WDR43: variants seen among roughly 807,000 people sequenced by gnomAD.
WDR43 encodes WD repeat domain 43.
In WDR43, 13 loss-of-function variants were observed where a neutral mutation model predicts 91.4. That is an observed-to-expected ratio of 0.14 (90% CI 0.09 to 0.23). The LOEUF (loss-of-function observed/expected upper bound fraction) is 0.23. Among genes scored for constraint, WDR43 ranks in the 10% least tolerant of loss-of-function variants. The pLI is 1.00. For missense variants in WDR43, 780 were observed against 809.4 expected, an observed-to-expected ratio of 0.96 and a Z score of 0.44; for synonymous variants, 331 against 287.9, an observed-to-expected ratio of 1.15 and a Z score of -1.51.
At chr2:28,895,586 C>T (rs1670464895) in intron 1 of WDR43, among the ~76,000 whole-genome samples, 2 of 152,094 alleles carry the variant, frequency 1.3e-5, no homozygotes, top group Non-Finnish European at 2.9e-5. Context: ...TCCCCACCCA[C>T]CCCAATCTGA....
intron 10 of WDR43, among the ~76,000 whole-genome samples, chr2:28,928,532 T>C (rs1266463209): frequency 6.6e-6 from 1 of 152,236 alleles, no homozygotes; most frequent in Non-Finnish European, 1.5e-5. Flanking sequence ...TTAATCTTTT[T>C]TGTGTTAGGA....
At position 28,942,377 on chromosome 2, in the gene WDR43, A is replaced by G. The variant is rs768348673; in HGVS notation, c.1800A>G (p.Glu600=). The part of the protein sequence containing the change: ...SPGQKAKLVY[E]EESSEEESDD... Reference sequence around the variant, plus strand: ...GACAGAAGGCAAAGTTGGTGTATGAAGAAGGTAAAGACTGGGGGAATGGGA... The same window carrying G: ...GACAGAAGGCAAAGTTGGTGTATGAGGAAGGTAAAGACTGGGGGAATGGGA... Residue 600 remains glutamate (E), a synonymous_variant, in exon 16 of 18, where the codon GAA becomes GAG. Transcript: ENST00000407426. 87 of 1,613,164 alleles carry G rather than the reference A, an allele frequency of 5.4e-5. No individual in the cohort carries two copies. The highest frequency in any genetic ancestry group is 7.2e-5 in the Non-Finnish European group (85 of 1,179,538).
chr2:28,914,597 G>T (rs1179850729), intron 5 of WDR43, among the ~76,000 whole-genome samples: 1 of 152,178 alleles, frequency 6.6e-6, no homozygotes, highest in East Asian at 1.9e-4. Context: ...CCTTTTTGCA[G>T]TAGCTGCTAT....
At chr2:28,904,754 T>A (rs1466968726) in intron 2 of WDR43, among the ~76,000 whole-genome samples, 2 of 152,254 alleles carry the variant, frequency 1.3e-5, no homozygotes, top group Non-Finnish European at 2.9e-5. Context: ...AGTAACTGAA[T>A]GTAACATTTT....
intron 14 of WDR43, among the ~76,000 whole-genome samples, chr2:28,939,055 G>A (rs527960724): frequency 2.0e-4 from 18 of 88,880 alleles, no homozygotes; most frequent in South Asian, 4.2e-4. Context: ...TGGTGAGAGG[G>A]GTTTTTGGGA....
At chr2:28,939,070 A>G (rs1286487311) in intron 14 of WDR43, among the ~76,000 whole-genome samples, 2 of 59,672 alleles carry the variant, frequency 3.4e-5, no homozygotes, top group African/African-American at 6.4e-5. Context: ...TTGGGAGGTG[A>G]CCTGGGAGCA....
In WDR43 at chr2:28,947,887, T is replaced by A. The variant is rs1671578214; in HGVS notation, c.*1108T>A. 1 of 149,620 alleles carries A rather than the reference T, an allele frequency of 6.7e-6. No individual in the cohort carries two copies. Among genetic ancestry groups the A allele is most frequent in the Non-Finnish European group, 1.5e-5 (1 of 67,290 alleles). 9.3% of individuals were successfully genotyped at this position (149,620 alleles called of 1,614,324 possible). ...TAGTTTTTTTTTTTTTTTTTTTTTT[T>A]TTAAAGAATGAGCCGATATTGGCTT... is the stretch of plus-strand genomic sequence containing the variant. On this transcript the variant is annotated 3_prime_UTR_variant, in exon 18 of 18. Transcript: ENST00000407426.
chr2:28,938,177 C>T (rs903687959), intron 14 of WDR43, among the ~76,000 whole-genome samples, 183 bp downstream of exon 14: 5 of 152,164 alleles, frequency 3.3e-5, no homozygotes, highest in African/African-American at 1.2e-4. Flanking sequence ...CATGATGTCA[C>T]TGCTGTGGCT....
At chr2:28,895,600 C>T (rs891083271) in intron 1 of WDR43, among the ~76,000 whole-genome samples, 3 of 151,676 alleles carry the variant, frequency 2.0e-5, no homozygotes, top group African/African-American at 7.3e-5. Flanking sequence ...AATCTGAAGT[C>T]TGTATTAGGA....
At chr2:28,918,321 GGTGT>G (rs10578792) in intron 6 of WDR43, among the ~76,000 whole-genome samples, 61,620 of 150,542 alleles carry the variant, frequency 0.41, 13,225 homozygotes, top group Middle Eastern at 0.52. Context: ...TCCTAACTAA[GGTGT>G]GTGTGTGTGT....
Position 28,941,584 on chromosome 2 carries a change from T to G in WDR43, c.1734+10T>G. 1 of 1,589,866 alleles carries G rather than the reference T, an allele frequency of 6.3e-7. No homozygotes were observed. The highest frequency in any genetic ancestry group is 1.1e-5 in the South Asian group (1 of 88,384). ...TCTTCTAATTACACAAGTGAGTAAA[T>G]CATATTGTTCTGGGCTAAAACTTTT... On this transcript the variant is annotated intron_variant, in intron 15 of 17. Coordinates refer to ENST00000407426, the MANE Select transcript of WDR43 (RefSeq NM_015131.3).
intron 16 of WDR43, among the ~76,000 whole-genome samples, chr2:28,942,614 CTTTTCT>C (rs1266615883): frequency 2.3e-5 from 2 of 85,462 alleles, no homozygotes; most frequent in Non-Finnish European, 4.7e-5. Context: ...TTTTTTTTTT[CTTTTCT>C]TTTTTTTTTT....
At chr2:28,911,973 A>G (rs1438838922) in intron 3 of WDR43, among the ~76,000 whole-genome samples, 1 of 152,200 alleles carries the variant, frequency 6.6e-6, no homozygotes, top group Non-Finnish European at 1.5e-5. Flanking sequence ...ATTGCCTATG[A>G]CAGCATTAAT....
chr2:28,938,840 A>G (rs1364903427), intron 14 of WDR43, among the ~76,000 whole-genome samples: 1 of 152,176 alleles, frequency 6.6e-6, no homozygotes. Flanking sequence ...TGGGGTTGAG[A>G]GAAACAACAG....
intron 8 of WDR43, 47 bp downstream of exon 8, chr2:28,925,200 C>A: frequency 6.8e-7 from 1 of 1,470,082 alleles, no homozygotes; most frequent in South Asian, 1.4e-5. Flanking sequence ...ATCCCTGTGT[C>A]CATGGAAGAG....
chr2:28,914,797 C>T lies in WDR43; in HGVS notation c.746+589C>T, dbSNP rs373079705. On this transcript the variant is annotated intron_variant, in intron 5 of 17. Transcript: ENST00000407426. ...TACAAAAATTAGCCGGGCATGGTGG[C>T]GCACGCCTGTAGTCCCAGCTACTCG... Among the ~76,000 whole-genome samples, 30 of 152,176 alleles carry T rather than the reference C, an allele frequency of 2.0e-4. No homozygotes were observed. The South Asian group carries it at 2.7e-3, about 14-fold the overall frequency.
At chr2:28,919,620 C>T (rs1451506127) in intron 6 of WDR43, among the ~76,000 whole-genome samples, 1 of 151,750 alleles carries the variant, frequency 6.6e-6, no homozygotes, top group African/African-American at 2.4e-5. Flanking sequence ...AGTGCCACTG[C>T]ACTCCAGCCT....
At chr2:28,939,528 C>G (rs1352503159) in intron 14 of WDR43, among the ~76,000 whole-genome samples, 1 of 152,160 alleles carries the variant, frequency 6.6e-6, no homozygotes, top group Non-Finnish European at 1.5e-5. Context: ...TCGCTCTTTT[C>G]CTTCATTTCT....
chr2:28,904,475 A>G (rs1000801157), intron 2 of WDR43, among the ~76,000 whole-genome samples: 3 of 152,254 alleles, frequency 2.0e-5, no homozygotes, highest in Non-Finnish European at 2.9e-5. Flanking sequence ...GCTTTCCAAA[A>G]GGGTATGCTA....
Sources: gnomAD v4.1 joint callset for allele counts (sites outside exome capture counted in the v4.1 genomes callset) on GRCh38, gnomAD v4.1.1 for gene constraint, MANE v1.5 for transcripts, NCBI Gene and HGNC (gene_info 2026-07-23, HGNC 2026-07-21) for gene names.